The following METTL25 variants were observed in gnomAD, a reference collection of about 807,000 sequenced individuals.
The protein encoded by METTL25 is probable methyltransferase-like protein 25.
Under a neutral mutation model 71.6 loss-of-function variants are expected in METTL25, and 64 were observed. That is an observed-to-expected ratio of 0.89 (90% CI 0.73 to 1.10). METTL25 has a LOEUF of 1.10. Ranked by LOEUF, METTL25 falls within the 50% of genes least tolerant of loss-of-function variation. The pLI, the probability that METTL25 is intolerant of heterozygous loss-of-function variation, is 0.00. For missense variants in METTL25, 807 were observed against 707.0 expected (o/e 1.14, Z -1.60); for synonymous variants, 287 against 250.3 (o/e 1.15, Z -1.38).
At chr12:82,369,328 G>A (rs1427772353) in intron 1 of METTL25, 2 of 322,534 alleles carry the variant, frequency 6.2e-6, no homozygotes, top group Non-Finnish European at 1.2e-5. Context: ...GATATAGTAA[G>A]TGACACATAG....
chr12:82,391,894 CTACCT>C lies in METTL25; in HGVS notation c.531+1975_531+1979del, dbSNP rs1226855328. 2.0e-5 allele frequency among the ~76,000 whole-genome samples: 3 copies of C among 151,474 alleles called. No individual in the cohort carries two copies. In the South Asian group the frequency reaches 6.2e-4, roughly 31 times the overall value. The stretch of plus-strand genomic sequence containing the variant: ...CCTTTCTCTACATTCTTGCCAACAC[CTACCT>C]TAATGCTTTTTGATAATAGCCTTTC... On this transcript the variant is annotated intron_variant, in intron 3 of 11. Transcript: ENST00000248306.
chr12:82,369,554 C>T (rs1020662160), intron 1 of METTL25: 3 of 428,378 alleles, frequency 7.0e-6, no homozygotes, highest in Non-Finnish European at 4.6e-6. Flanking sequence ...AGCCGCGGAC[C>T]TTCACGGTGA....
chr12:82,366,946 A>C (rs113410585), intron 1 of METTL25, among the ~76,000 whole-genome samples: 5 of 152,214 alleles, frequency 3.3e-5, no homozygotes, highest in African/African-American at 1.2e-4. Context: ...TGTAATCATA[A>C]GTAAGAGAGA....
intron 5 of METTL25, among the ~76,000 whole-genome samples, chr12:82,409,737 G>A (rs182580531): frequency 1.6e-4 from 24 of 152,176 alleles, no homozygotes; most frequent in African/African-American, 5.3e-4. Context: ...TCGAAAGCCT[G>A]CAGGCTTAAC....
chr12:82,402,763 G>T (rs1028904504), intron 4 of METTL25, among the ~76,000 whole-genome samples: 1 of 152,046 alleles, frequency 6.6e-6, no homozygotes, highest in Non-Finnish European at 1.5e-5. Flanking sequence ...GCTGTGGGCG[G>T]TACAATGTGC....
At chr12:82,362,712 C>G (rs4265649) in intron 1 of METTL25, among the ~76,000 whole-genome samples, 1 of 152,020 alleles carries the variant, frequency 6.6e-6, no homozygotes, top group African/African-American at 2.4e-5. Flanking sequence ...CACCTGGTTT[C>G]TGTGTGGAGA....
chr12:82,438,049 C>T (rs1386125862), intron 7 of METTL25, among the ~76,000 whole-genome samples: 1 of 151,640 alleles, frequency 6.6e-6, no homozygotes, highest in East Asian at 1.9e-4. Context: ...AACAATCGTG[C>T]TTCATTGGAG....
intron 9 of METTL25, among the ~76,000 whole-genome samples, chr12:82,466,420 T>C (rs866325796): frequency 2.0e-4 from 31 of 151,970 alleles, no homozygotes; most frequent in Admixed American, 3.9e-4. Context: ...CCTCTTGTTA[T>C]TGATGTTTAG....
chr12:82,381,651 C>T (rs1400225002), intron 1 of METTL25, among the ~76,000 whole-genome samples: 2 of 152,202 alleles, frequency 1.3e-5, no homozygotes, highest in Admixed American at 1.3e-4. Context: ...GAAAACTTAA[C>T]TCATCCCATC....
At chr12:82,429,847 C>T (rs927613372) in intron 5 of METTL25, among the ~76,000 whole-genome samples, 6 of 151,442 alleles carry the variant, frequency 4.0e-5, no homozygotes, top group Non-Finnish European at 8.9e-5. Flanking sequence ...TCCATATCTT[C>T]CATCTGATTA....
chr12:82,358,921 G>A (rs916272483), intron 1 of METTL25, 97 bp downstream of exon 1: 2 of 1,462,020 alleles, frequency 1.4e-6, no homozygotes, highest in Non-Finnish European at 9.3e-7. Flanking sequence ...AACCAGGTGC[G>A]TGGCGGCGGA....
At chr12:82,435,663 C>A (rs1889863233) in intron 7 of METTL25, among the ~76,000 whole-genome samples, 1 of 151,182 alleles carries the variant, frequency 6.6e-6, no homozygotes, top group Non-Finnish European at 1.5e-5. Flanking sequence ...AGCTTAATTT[C>A]TTTATCTGTA....
At chr12:82,408,517 G>T (rs1244157209) in intron 5 of METTL25, among the ~76,000 whole-genome samples, 3 of 151,738 alleles carry the variant, frequency 2.0e-5, no homozygotes, top group Admixed American at 6.6e-5. Context: ...TCTAGAACAA[G>T]TAAAGTATGT....
At chr12:82,386,322 G>T (rs1459784435) in intron 1 of METTL25, among the ~76,000 whole-genome samples, 2 of 152,072 alleles carry the variant, frequency 1.3e-5, no homozygotes, top group African/African-American at 4.8e-5. Flanking sequence ...TAACAGTGTT[G>T]CCCGGGCTGA....
At chr12:82,405,181 C>T (rs1034389527) in intron 5 of METTL25, among the ~76,000 whole-genome samples, 2 of 152,120 alleles carry the variant, frequency 1.3e-5, no homozygotes, top group Non-Finnish European at 2.9e-5. Flanking sequence ...TCAGTATTTT[C>T]CCACCAAAGA....
chr12:82,358,895 T>C, intron 1 of METTL25, 71 bp downstream of exon 1: 1 of 1,524,386 alleles, frequency 6.6e-7, no homozygotes, highest in South Asian at 1.2e-5. Context: ...GCGAGCCCCC[T>C]GGTGGAAGCC....
chr12:82,358,960 A>C, intron 1 of METTL25, 136 bp downstream of exon 1: 1 of 752,944 alleles, frequency 1.3e-6, no homozygotes, highest in Non-Finnish European at 2.0e-6. Flanking sequence ...GAAACCGAGG[A>C]GGGGTCGGAT....
chr12:82,433,201 G>A (rs1392600711), intron 6 of METTL25, among the ~76,000 whole-genome samples: 1 of 151,452 alleles, frequency 6.6e-6, no homozygotes, highest in Non-Finnish European at 1.5e-5. Flanking sequence ...AAGCAGTCTT[G>A]GGGTATATGA....
At chr12:82,391,455 A>G (rs999216036) in intron 3 of METTL25, among the ~76,000 whole-genome samples, 3 of 151,990 alleles carry the variant, frequency 2.0e-5, no homozygotes, top group Non-Finnish European at 4.4e-5. Context: ...TTTCTAGCCA[A>G]TGTGCAAAAT....
Sources: gnomAD v4.1 joint callset for allele counts (sites outside exome capture counted in the v4.1 genomes callset) on GRCh38, gnomAD v4.1.1 for gene constraint, MANE v1.5 for transcripts, NCBI Gene and HGNC (gene_info 2026-07-23, HGNC 2026-07-21) for gene names.